Variants in GRIP1 observed in about 807,000 individuals in gnomAD.
GRIP1 encodes glutamate receptor interacting protein 1.
Under a neutral mutation model 129.9 loss-of-function variants are expected in GRIP1, and 45 were observed. The observed-to-expected ratio is 0.35, with a 90% confidence interval of 0.27 to 0.44. The LOEUF (loss-of-function observed/expected upper bound fraction) is 0.44, where lower values mean the gene tolerates loss of function less well. GRIP1 is among the 20% of genes least tolerant of loss of function. GRIP1 has a pLI of 1.00. For synonymous variants in GRIP1, 530 were observed against 520.8 expected (o/e 1.02, Z -0.24); for missense variants, 1,196 against 1,396.8 (o/e 0.86, Z 2.29).
intron 1 of GRIP1, among the ~76,000 whole-genome samples, chr12:66,717,710 T>C (rs1368078446): frequency 6.6e-6 from 1 of 152,184 alleles, no homozygotes; most frequent in Non-Finnish European, 1.5e-5. Flanking sequence ...TGAACAGTCA[T>C]TGTGTTGGTC....
rs553490894 is a variant in GRIP1 at position 66,436,917 on chromosome 12, C to T, written c.1688-4289G>A. The stretch of plus-strand genomic sequence containing the variant: ...ACAAGAATTGGTTGAACCCAGGAGA[C>T]GGAGGTTGATAGCACCACTGCACTC... On this transcript the variant is annotated intron_variant, in intron 13 of 24. Coordinates refer to ENST00000359742, the MANE Select transcript of GRIP1 (RefSeq NM_001366722.1). Among the ~76,000 whole-genome samples the T allele has an allele frequency of 1.2e-3, 166 of 140,740 alleles. 1 individual carries two copies. Among genetic ancestry groups the T allele is most frequent in the Middle Eastern group, 3.8e-3 (1 of 262 alleles). The allele number at this position is 140,740 out of a possible 152,430, so 92.3% of individuals were successfully genotyped here. A position where few individuals can be genotyped will look rare whatever the true frequency, so the allele number is the denominator to read the frequency against.
At chr12:66,373,856 T>C (rs778608806) in intron 22 of GRIP1, among the ~76,000 whole-genome samples, 3 of 152,170 alleles carry the variant, frequency 2.0e-5, no homozygotes, top group Non-Finnish European at 4.4e-5. Flanking sequence ...TTACCATACA[T>C]CCTCATTTCA....
chr12:66,732,634 T>C (rs1484816241), intron 1 of GRIP1, among the ~76,000 whole-genome samples: 1 of 152,192 alleles, frequency 6.6e-6, no homozygotes, highest in Non-Finnish European at 1.5e-5. Flanking sequence ...CATTTTCTCT[T>C]GCTTATAATT....
Position 67,007,928 on chromosome 12 carries a change from T to G in GRIP1, c.58+61122A>C, listed in dbSNP as rs1188332900. Among the ~76,000 whole-genome samples the G allele has an allele frequency of 3.9e-5, 6 of 151,960 alleles. No homozygotes were observed. In the East Asian group the frequency reaches 1.2e-3, roughly 29 times the overall value. On this transcript the variant is annotated intron_variant, in intron 1 of 1. Transcript: ENST00000643019. ...AATATTGCCTGTATAAGGATAAATT[T>G]AACAACAACAAAAAAAAATCATGGC...
At chr12:66,548,068 A>T (rs747774540) in intron 2 of GRIP1, among the ~76,000 whole-genome samples, 2 of 152,214 alleles carry the variant, frequency 1.3e-5, no homozygotes, top group Admixed American at 6.5e-5. Context: ...CAGTATTTGA[A>T]AAGTTCCTCC....
chr12:66,813,795 A>G (rs2039152219), intron 1 of GRIP1, among the ~76,000 whole-genome samples: 3 of 152,224 alleles, frequency 2.0e-5, no homozygotes, highest in Admixed American at 6.5e-5. Context: ...TTCCAGGCCC[A>G]GATACAAATT....
chr12:66,492,151 T>G (rs958715141), intron 7 of GRIP1, among the ~76,000 whole-genome samples: 6 of 152,018 alleles, frequency 3.9e-5, no homozygotes, highest in Non-Finnish European at 8.8e-5. Context: ...GTGCTACAGT[T>G]GGCTTCATGT....
intron 3 of GRIP1, among the ~76,000 whole-genome samples, chr12:66,541,108 C>A (rs190375685): frequency 6.6e-6 from 1 of 152,150 alleles, no homozygotes; most frequent in Non-Finnish European, 1.5e-5. Flanking sequence ...AGTCACTGCC[C>A]GGCCTGGCCT....
chr12:66,598,658 T>C (rs951411770), intron 1 of GRIP1, among the ~76,000 whole-genome samples: 2 of 152,214 alleles, frequency 1.3e-5, no homozygotes, highest in Non-Finnish European at 2.9e-5. Flanking sequence ...AAAACAGACG[T>C]ACTATGTATT....
chr12:66,654,735 T>C (rs1040579133), intron 1 of GRIP1, among the ~76,000 whole-genome samples: 1 of 152,108 alleles, frequency 6.6e-6, no homozygotes, highest in Non-Finnish European at 1.5e-5. Context: ...GTTGTTAAGA[T>C]ATGACATGAG....
chr12:67,047,880 T>C (rs952894003), intron 1 of GRIP1, among the ~76,000 whole-genome samples: 1 of 152,238 alleles, frequency 6.6e-6, no homozygotes, highest in Non-Finnish European at 1.5e-5. Flanking sequence ...GCACTACCTG[T>C]TTCAGCACAC....
At chr12:66,804,363 A>C (rs1036679443), upstream of GRIP1, among the ~76,000 whole-genome samples, 1 of 152,186 alleles carries the variant, frequency 6.6e-6, no homozygotes, top group African/African-American at 2.4e-5. Flanking sequence ...GGGGAAAGAA[A>C]ATAATAGCGA....
At chr12:66,993,369 A>C (rs2042422133) in intron 1 of GRIP1, among the ~76,000 whole-genome samples, 1 of 151,990 alleles carries the variant, frequency 6.6e-6, no homozygotes, top group Non-Finnish European at 1.5e-5. Flanking sequence ...TAAATTAATA[A>C]AATGAAAATA....
intron 1 of GRIP1, among the ~76,000 whole-genome samples, chr12:66,607,798 T>C (rs1041011236): frequency 1.3e-5 from 2 of 152,190 alleles, no homozygotes; most frequent in South Asian, 2.1e-4. Flanking sequence ...AAGAATTTTC[T>C]GAGGAACTTT....
In GRIP1 at chr12:66,552,577, C is replaced by T. The variant is rs905004740; in HGVS notation, c.137-10627G>A. 3.3e-5 allele frequency among the ~76,000 whole-genome samples: 5 copies of T among 152,022 alleles called. No individual in the cohort carries two copies. The East Asian group carries it at 5.8e-4, about 18-fold the overall frequency. ...GTCTATTTTACGTACATGAAATTTCCGCCTCATGTAACTAAATGCTACAAA... is the reference window on the plus strand; with the variant it reads ...GTCTATTTTACGTACATGAAATTTCTGCCTCATGTAACTAAATGCTACAAA... On this transcript the variant is annotated intron_variant, in intron 2 of 24. Transcript: ENST00000359742.
intron 2 of GRIP1, among the ~76,000 whole-genome samples, chr12:66,553,628 T>TTTTAACTTCATATCACCTGATTTTTGG (rs2062217538): frequency 6.6e-6 from 1 of 151,476 alleles, no homozygotes; most frequent in Non-Finnish European, 1.5e-5. Context: ...CAGTACCTGG[T>TTTTAACTTCATATCACCTGATTTTTGG]TTTAACTTCA....
chr12:66,446,924 C>T (rs2058646577), intron 11 of GRIP1, among the ~76,000 whole-genome samples: 1 of 152,228 alleles, frequency 6.6e-6, no homozygotes, highest in South Asian at 2.1e-4. Context: ...ATCTCTCCCA[C>T]TTCCTGCAAT....
chr12:66,437,036 C>G (rs2058331060), intron 13 of GRIP1, among the ~76,000 whole-genome samples: 1 of 148,454 alleles, frequency 6.7e-6, no homozygotes, highest in Non-Finnish European at 1.5e-5. Flanking sequence ...ATGAGTCAAG[C>G]TTTTTTAACC....
chr12:66,708,083 CA>C (rs1359697154), intron 1 of GRIP1, among the ~76,000 whole-genome samples: 3 of 151,976 alleles, frequency 2.0e-5, no homozygotes, highest in Non-Finnish European at 4.4e-5. Context: ...GACATCTTTT[CA>C]GAATTCCCTG....
Sources: gnomAD v4.1 joint callset for allele counts (sites outside exome capture counted in the v4.1 genomes callset) on GRCh38, gnomAD v4.1.1 for gene constraint, MANE v1.5 for transcripts, NCBI Gene and HGNC (gene_info 2026-07-23, HGNC 2026-07-21) for gene names.